TRAPPC9: variants seen among roughly 807,000 people sequenced by gnomAD.
TRAPPC9 encodes IKK2 binding protein.
A neutral mutation model predicts 124.0 loss-of-function variants in TRAPPC9; 83 were observed. That is an observed-to-expected ratio of 0.67 (90% CI 0.56 to 0.80). TRAPPC9 has a LOEUF of 0.80. Among genes scored for constraint, TRAPPC9 ranks in the 30% least tolerant of loss-of-function variants. TRAPPC9 has a pLI of 0.00. For missense variants in TRAPPC9, 1,302 were observed against 1,508.3 expected (o/e 0.86, Z 2.27); for synonymous variants, 638 against 617.5 (o/e 1.03, Z -0.49).
chr8:140,091,944 G>T (rs1489849852), intron 17 of TRAPPC9, among the ~76,000 whole-genome samples: 2 of 151,604 alleles, frequency 1.3e-5, no homozygotes, highest in East Asian at 3.9e-4. Context: ...TCTCCCGCCG[G>T]CCCCACAGCG....
chr8:140,451,073 C>G lies in TRAPPC9; in HGVS notation c.301G>C (p.Val101Leu). The G allele has an allele frequency of 6.2e-7, 1 of 1,614,024 alleles. No homozygotes were observed. The highest frequency in any genetic ancestry group is 8.5e-7 in the Non-Finnish European group (1 of 1,180,008). ...DWPQTFEKFH[V>L]QKEIYGSTLY... is the part of the protein sequence containing the mutation. The stretch of plus-strand genomic sequence containing the variant: ...GTGGAGCCGTAGATCTCCTTCTGCA[C>G]GTGGAACTTCTCAAAGGTCTGTGGC... Residue 101 changes from valine to leucine, a missense_variant, in exon 2 of 23, where the codon GTG becomes CTG. Val to Leu is a conservative substitution (Grantham distance 32). This residue lies in a region of TRAPPC9 where 657 missense variants were observed against 811.2 expected (regional missense o/e 0.81). Coordinates refer to ENST00000438773, the MANE Select transcript of TRAPPC9 (RefSeq NM_001160372.4).
At chr8:140,158,991 C>T (rs954382475) in intron 17 of TRAPPC9, among the ~76,000 whole-genome samples, 12 of 152,242 alleles carry the variant, frequency 7.9e-5, no homozygotes, top group East Asian at 7.7e-4. Flanking sequence ...AACATCCAGA[C>T]GCTGAAGTGT....
At chr8:139,810,739 C>A (rs965532908) in intron 21 of TRAPPC9, among the ~76,000 whole-genome samples, 1 of 152,268 alleles carries the variant, frequency 6.6e-6, no homozygotes, top group Non-Finnish European at 1.5e-5. Context: ...CAGCCTCCTT[C>A]TTGGATGTGG....
intron 21 of TRAPPC9, among the ~76,000 whole-genome samples, chr8:139,861,235 C>G (rs112264301): frequency 5.9e-5 from 9 of 152,338 alleles, no homozygotes; most frequent in African/African-American, 2.2e-4. Flanking sequence ...GGGAGGGGAA[C>G]GAGTTCTTAT....
intron 18 of TRAPPC9, among the ~76,000 whole-genome samples, chr8:139,992,177 T>C (rs937634899): frequency 6.6e-6 from 1 of 152,148 alleles, no homozygotes; most frequent in Non-Finnish European, 1.5e-5. Context: ...ACATTTATAA[T>C]AGCAACACAG....
At chr8:140,093,889 G>T (rs4736137) in intron 17 of TRAPPC9, among the ~76,000 whole-genome samples, 112,225 of 151,964 alleles carry the variant, frequency 0.74, 42,173 homozygotes, top group African/African-American at 0.89. Context: ...TCATCCTCAT[G>T]ACTGTTGCTT....
rs1563804328 is a variant in TRAPPC9, at chr8:140,157,044, T to TTTCCATTCAAAAGCCTCCC, written c.2556+64414_2556+64415insGGGAGGCTTTTGAATGGAA. Among the ~76,000 whole-genome samples, 67 of 26,596 alleles carry TTTCCATTCAAAAGCCTCCC rather than the reference T, an allele frequency of 2.5e-3. 7 individuals carry two copies. Among genetic ancestry groups the TTTCCATTCAAAAGCCTCCC allele is most frequent in the Non-Finnish European group, 2.8e-3 (40 of 14,372 alleles). 17.4% of individuals were successfully genotyped at this position (26,596 alleles called of 152,430 possible). A position where few individuals can be genotyped will look rare whatever the true frequency, so the allele number is the denominator to read the frequency against. ...TCCCTTTTCCATTCAAAAGCCTCCC[T>TTTCCATTCAAAAGCCTCCC]TTTCCATTCAAAAGCCTCCCTTTCC... is the stretch of plus-strand genomic sequence containing the variant. On this transcript the variant is annotated intron_variant, in intron 17 of 22. Transcript: ENST00000438773.
intron 15 of TRAPPC9, among the ~76,000 whole-genome samples, chr8:140,258,504 T>C (rs1199906972): frequency 6.6e-6 from 1 of 152,244 alleles, no homozygotes; most frequent in Admixed American, 6.5e-5. Context: ...ATCTCTCACC[T>C]AAACTGCACT....
At chr8:140,020,145 G>T (rs7461886) in intron 18 of TRAPPC9, among the ~76,000 whole-genome samples, 5 of 151,898 alleles carry the variant, frequency 3.3e-5, no homozygotes, top group Non-Finnish European at 5.9e-5. Flanking sequence ...GACCACCCTA[G>T]TTACAATTTA....
intron 12 of TRAPPC9, among the ~76,000 whole-genome samples, chr8:140,290,543 G>A (rs796984720): frequency 6.8e-5 from 7 of 102,998 alleles, no homozygotes; most frequent in African/African-American, 3.2e-4. Flanking sequence ...TTCAAAACAA[G>A]AGAAAGCTCG....
At chr8:140,274,080 G>C (rs573840998) in intron 15 of TRAPPC9, among the ~76,000 whole-genome samples, 16 of 152,226 alleles carry the variant, frequency 1.1e-4, no homozygotes, top group African/African-American at 3.9e-4. Context: ...ACTCCTCAGG[G>C]ACAAGGGAGC....
chr8:139,893,412 C>T (rs1356325755), intron 20 of TRAPPC9, among the ~76,000 whole-genome samples: 5 of 152,236 alleles, frequency 3.3e-5, no homozygotes, highest in Admixed American at 3.3e-4. Context: ...CTGAGCACAG[C>T]CACATGCCCA....
intron 16 of TRAPPC9, among the ~76,000 whole-genome samples, chr8:140,240,135 T>G (rs779419038): frequency 1.2e-4 from 18 of 150,910 alleles, no homozygotes; most frequent in African/African-American, 2.9e-4. Context: ...AATAGACATG[T>G]TTTTTTTTCA....
rs530870610 is a variant in TRAPPC9, at chr8:139,746,295, T to C, written c.3056-14093A>G. Among the ~76,000 whole-genome samples the C allele has an allele frequency of 5.9e-5, 9 of 152,154 alleles. No homozygotes were observed. In the South Asian group the frequency reaches 1.2e-3, roughly 21 times the overall value. On this transcript the variant is annotated intron_variant, in intron 21 of 22. Coordinates refer to ENST00000438773, the MANE Select transcript of TRAPPC9 (RefSeq NM_001160372.4). ...CCTCCTGGGCACAGACTGCAGCCCC[T>C]CTCCAAGGGAGTGAGTTGGAAACAC...
intron 17 of TRAPPC9, among the ~76,000 whole-genome samples, chr8:140,128,642 G>A (rs1587767274): frequency 6.6e-6 from 1 of 152,212 alleles, no homozygotes; most frequent in Non-Finnish European, 1.5e-5. Context: ...CCGTGGGGTG[G>A]GGATTATCAG....
At chr8:140,083,126 G>A (rs1429634509) in intron 17 of TRAPPC9, among the ~76,000 whole-genome samples, 6 of 152,154 alleles carry the variant, frequency 3.9e-5, no homozygotes, top group Non-Finnish European at 8.8e-5. Context: ...CTGGAAGGCG[G>A]AGGTTGCAGT....
chr8:139,753,055 T>TCCAC (rs768267475), intron 21 of TRAPPC9, among the ~76,000 whole-genome samples: 1 of 129,576 alleles, frequency 7.7e-6, no homozygotes, highest in African/African-American at 3.3e-5. Context: ...TACCCATCCA[T>TCCAC]CCACCCACCC....
chr8:139,954,637 C>T (rs922411056), intron 19 of TRAPPC9, among the ~76,000 whole-genome samples: 1 of 152,180 alleles, frequency 6.6e-6, no homozygotes, highest in Admixed American at 6.5e-5. Context: ...GAAGAAGCTG[C>T]GAGGTAATCT....
intron 18 of TRAPPC9, among the ~76,000 whole-genome samples, chr8:140,010,805 G>A (rs1322667244): frequency 6.6e-6 from 1 of 152,084 alleles, no homozygotes; most frequent in Non-Finnish European, 1.5e-5. Context: ...AACCACCCAC[G>A]TATGCACAAA....
Sources: allele counts gnomAD v4.1 joint callset (sites outside exome capture counted in the v4.1 genomes callset), GRCh38; gene constraint gnomAD v4.1.1; regional missense constraint gnomAD v4.1.1; transcripts MANE v1.5; gene names NCBI Gene and HGNC (gene_info 2026-07-23, HGNC 2026-07-21).